NUP155: variants seen among roughly 807,000 people sequenced by gnomAD.
NUP155 encodes the protein nucleoporin 155.
NUP155 carries 71 observed loss-of-function variants against 180.4 expected under a neutral mutation model. The ratio of observed to expected loss-of-function variants is 0.39; its 90% CI spans 0.33 to 0.48. The LOEUF (loss-of-function observed/expected upper bound fraction) is 0.48. Among genes scored for constraint, NUP155 ranks in the 20% least tolerant of loss-of-function variants. NUP155 has a pLI of 0.91. For synonymous variants in NUP155, 582 were observed against 559.5 expected (o/e 1.04, Z -0.57); for missense variants, 1,553 against 1,648.9 (o/e 0.94, Z 1.01).
At position 37,351,296 on chromosome 5, in the gene NUP155, T is replaced by C. The variant is rs773866390; in HGVS notation, c.617A>G (p.Tyr206Cys). The change falls in exon 6 of 35, where the codon TAT (tyrosine) becomes TGT (cysteine). Residue 206 changes from tyrosine to cysteine, a missense_variant. Tyr to Cys is a radical substitution (Grantham distance 194, BLOSUM62 -2). Coordinates refer to ENST00000231498, the MANE Select transcript of NUP155 (RefSeq NM_153485.3). ...GGMQLLPDPL[Y>C]SLPTDNTYLL... Reference sequence around the variant, plus strand: ...GTAAGTATTATCAGTAGGAAGAGAATATAAAGGATCTGGAAGCAACTGCAT... The same window carrying C: ...GTAAGTATTATCAGTAGGAAGAGAACATAAAGGATCTGGAAGCAACTGCAT... The C allele has an allele frequency of 6.2e-7, 1 of 1,612,898 alleles. No individual in the cohort carries two copies. The highest frequency in any genetic ancestry group is 8.5e-7 in the Non-Finnish European group (1 of 1,179,068).
At chr5:37,302,983 T>C in intron 28 of NUP155, 75 bp from the exon 29 acceptor site, 1 of 1,431,798 alleles carries the variant, frequency 7.0e-7, no homozygotes, top group Non-Finnish European at 9.8e-7. Flanking sequence ...AATTAGTATG[T>C]ACTGTTTCAT....
At chr5:37,310,365 G>A (rs995881526) in intron 23 of NUP155, among the ~76,000 whole-genome samples, 187 bp downstream of exon 23, 22 of 152,028 alleles carry the variant, frequency 1.4e-4, no homozygotes, top group Non-Finnish European at 2.5e-4. Flanking sequence ...GAAAAGCTAA[G>A]CTTAAAAGAG....
In NUP155 at chr5:37,300,564, C is replaced by G. The variant is rs576787814; in HGVS notation, c.3561+873G>C. On this transcript the variant is annotated intron_variant, in intron 30 of 34. Coordinates refer to ENST00000231498, the MANE Select transcript of NUP155 (RefSeq NM_153485.3). ...GAGGAAGGAACTGCTCAGAAAATTACAGAGAGAGAAAGAGGTTTAGAGAGT... is the reference window on the plus strand; with the variant it reads ...GAGGAAGGAACTGCTCAGAAAATTAGAGAGAGAGAAAGAGGTTTAGAGAGT... Among the ~76,000 whole-genome samples, 31 of 152,270 alleles carry G rather than the reference C, an allele frequency of 2.0e-4. No homozygotes were observed. The Middle Eastern group carries it at 0.017, about 84-fold the overall frequency.
At chr5:37,296,302 A>G (rs1386779866) in intron 32 of NUP155, among the ~76,000 whole-genome samples, 2 of 152,132 alleles carry the variant, frequency 1.3e-5, no homozygotes, top group Non-Finnish European at 2.9e-5. Flanking sequence ...AGAGGTAGAC[A>G]TGGGAGACTT....
At chr5:37,345,213 G>A (rs763144589) in intron 9 of NUP155, among the ~76,000 whole-genome samples, 8 of 151,510 alleles carry the variant, frequency 5.3e-5, no homozygotes, top group East Asian at 1.9e-4. Context: ...ATATTGTTAT[G>A]TAACAGACTA....
At chr5:37,327,827 A>T (rs777443126) in intron 17 of NUP155, 51 bp from the exon 18 acceptor site, 2 of 1,583,284 alleles carry the variant, frequency 1.3e-6, no homozygotes, top group Admixed American at 3.3e-5. Context: ...CTTAGAACCC[A>T]TAAATCTCTT....
chr5:37,294,194 A>C, intron 33 of NUP155, 135 bp downstream of exon 33: 1 of 619,258 alleles, frequency 1.6e-6, no homozygotes, highest in Non-Finnish European at 2.8e-6. Flanking sequence ...TCAAAAGCAT[A>C]ATTTCCAAGA....
chr5:37,338,568 A>G (rs966862230), intron 11 of NUP155, among the ~76,000 whole-genome samples: 29 of 151,668 alleles, frequency 1.9e-4, no homozygotes, highest in Non-Finnish European at 3.4e-4. Flanking sequence ...ACCACGCCCG[A>G]CTAATTTTTT....
At chr5:37,370,695 A>T in intron 1 of NUP155, 126 bp downstream of exon 1, 1 of 1,609,154 alleles carries the variant, frequency 6.2e-7, no homozygotes, top group Non-Finnish European at 8.5e-7. Context: ...TGTTCTCCAA[A>T]AATGCAGCCA....
chr5:37,314,082 A>G, intron 22 of NUP155, 116 bp downstream of exon 22: 1 of 767,616 alleles, frequency 1.3e-6, no homozygotes, highest in Non-Finnish European at 2.1e-6. Context: ...ATAACATACT[A>G]ACTTCATCAT....
intron 24 of NUP155, 102 bp downstream of exon 24, chr5:37,309,027 T>G: frequency 1.6e-6 from 2 of 1,217,042 alleles, no homozygotes; most frequent in East Asian, 4.7e-5. Flanking sequence ...AAAGAAGATT[T>G]GCATCTGGAA....
rs974538658 is a variant in NUP155, at chr5:37,339,647, G to A, written c.1246+1443C>T. ...TTCCTCCCCACCCTCAAATGACTTG[G>A]AAAAATATTCTGTATTCATGGATTT... On this transcript the variant is annotated intron_variant, in intron 11 of 34. Coordinates refer to ENST00000231498, the MANE Select transcript of NUP155 (RefSeq NM_153485.3). 3.3e-5 allele frequency among the ~76,000 whole-genome samples: 5 copies of A among 152,204 alleles called. No individual in the cohort carries two copies. The South Asian group carries it at 1.0e-3, about 32-fold the overall frequency.
At chr5:37,355,091 CA>C (rs879469232) in intron 4 of NUP155, among the ~76,000 whole-genome samples, 77 of 134,772 alleles carry the variant, frequency 5.7e-4, no homozygotes, top group Admixed American at 3.0e-4. Flanking sequence ...GACTCCATCT[CA>C]AAAAAAAAAA....
intron 20 of NUP155, among the ~76,000 whole-genome samples, chr5:37,321,045 A>G (rs1744210371): frequency 6.6e-6 from 1 of 152,210 alleles, no homozygotes. Flanking sequence ...GGATGGGGAG[A>G]AAAAAATCAA....
At chr5:37,310,821 A>C (rs1743480863) in intron 22 of NUP155, 78 bp from the exon 23 acceptor site, 2 of 1,154,500 alleles carry the variant, frequency 1.7e-6, no homozygotes, top group Admixed American at 2.0e-5. Context: ...TTAATAAATT[A>C]AAATAACCTA....
chr5:37,361,419 C>T (rs761468426), intron 3 of NUP155, among the ~76,000 whole-genome samples: 7 of 151,956 alleles, frequency 4.6e-5, no homozygotes, highest in South Asian at 2.1e-4. Context: ...AAAAATACCA[C>T]GAAAAAATAT....
At chr5:37,348,208 G>A (rs1746227981) in intron 9 of NUP155, among the ~76,000 whole-genome samples, 1 of 152,104 alleles carries the variant, frequency 6.6e-6, no homozygotes, top group Admixed American at 6.6e-5. Context: ...GGAGCCTGTG[G>A]CAGGAGAATC....
intron 27 of NUP155, 38 bp downstream of exon 27, chr5:37,304,701 A>T: frequency 7.3e-7 from 1 of 1,366,108 alleles, no homozygotes; most frequent in Non-Finnish European, 1.0e-6. Flanking sequence ...TATGCTCCTT[A>T]AGAATAATTA....
At chr5:37,293,588 A>G (rs926919274) in intron 33 of NUP155, among the ~76,000 whole-genome samples, 2 of 152,258 alleles carry the variant, frequency 1.3e-5, no homozygotes, top group African/African-American at 4.8e-5. Flanking sequence ...CTTAGCATAA[A>G]AATTACAAAA....
Sources: gnomAD v4.1 joint callset for allele counts (sites outside exome capture counted in the v4.1 genomes callset) on GRCh38, gnomAD v4.1.1 for gene constraint, MANE v1.5 for transcripts, NCBI Gene and HGNC (gene_info 2026-07-23, HGNC 2026-07-21) for gene names.